The following ZNF536 variants were observed in gnomAD, a reference collection of about 807,000 sequenced individuals.
ZNF536 encodes the protein zinc finger protein 536.
A neutral mutation model predicts 84.5 loss-of-function variants in ZNF536; 13 were observed. The ratio of observed to expected loss-of-function variants is 0.15; its 90% CI spans 0.10 to 0.24. ZNF536 has a LOEUF of 0.24. Among genes scored for constraint, ZNF536 ranks in the 10% least tolerant of loss-of-function variants. The pLI, the probability that ZNF536 is intolerant of heterozygous loss-of-function variation, is 1.00. For missense variants in ZNF536, 1,536 were observed against 1,747.5 expected (o/e 0.88, Z 2.16); for synonymous variants, 811 against 742.5 (o/e 1.09, Z -1.50).
At chr19:30,609,562 A>C (rs2048015171) in intron 1 of ZNF536, among the ~76,000 whole-genome samples, 2 of 152,190 alleles carry the variant, frequency 1.3e-5, no homozygotes, top group African/African-American at 4.8e-5. Context: ...GGTAAAGAAA[A>C]GTGTTTTCTT....
chr19:30,542,789 C>T (rs962060858), intron 3 of ZNF536, among the ~76,000 whole-genome samples: 3 of 152,126 alleles, frequency 2.0e-5, no homozygotes, highest in African/African-American at 7.2e-5. Context: ...TAAGATACTG[C>T]ACACAGAAAC....
intron 1 of ZNF536, among the ~76,000 whole-genome samples, chr19:30,246,171 A>G (rs2144970953): frequency 6.6e-6 from 1 of 152,236 alleles, no homozygotes; most frequent in South Asian, 2.1e-4. Flanking sequence ...AGAAGGGGGA[A>G]AGGACTTTAA....
intron 1 of ZNF536, among the ~76,000 whole-genome samples, chr19:30,591,559 C>T (rs1428459679): frequency 1.3e-5 from 2 of 152,144 alleles, no homozygotes; most frequent in African/African-American, 2.4e-5. Flanking sequence ...ATTATCTCCA[C>T]CTGGCCCTGC....
At chr19:30,694,807 G>T (rs1182486064) in intron 1 of ZNF536, among the ~76,000 whole-genome samples, 1 of 152,182 alleles carries the variant, frequency 6.6e-6, no homozygotes, top group Non-Finnish European at 1.5e-5. Flanking sequence ...CCCCCATGGG[G>T]GAGGCCTGTG....
intron 1 of ZNF536, among the ~76,000 whole-genome samples, chr19:30,247,292 G>T (rs2024333691): frequency 1.3e-5 from 2 of 152,200 alleles, no homozygotes; most frequent in South Asian, 4.1e-4. Flanking sequence ...GATTCACTTG[G>T]GTACTTTATT....
chr19:30,389,031 C>T (rs1057495628), intron 1 of ZNF536, among the ~76,000 whole-genome samples: 4 of 152,230 alleles, frequency 2.6e-5, no homozygotes, highest in Admixed American at 2.6e-4. Context: ...GTCCCATGCC[C>T]CATCTCTCTT....
intron 2 of ZNF536, among the ~76,000 whole-genome samples, chr19:30,308,088 G>A (rs2046394007): frequency 1.3e-5 from 2 of 152,186 alleles, no homozygotes; most frequent in East Asian, 3.9e-4. Flanking sequence ...CTGATGGCTG[G>A]TGACATCTTG....
At chr19:30,538,973 C>T (rs1329981424) in intron 3 of ZNF536, among the ~76,000 whole-genome samples, 7 of 151,582 alleles carry the variant, frequency 4.6e-5, no homozygotes, top group Non-Finnish European at 7.4e-5. Flanking sequence ...TTTGGGAGGC[C>T]GAGGCGGGAG....
chr19:30,640,565 G>A (rs148643007), intron 1 of ZNF536, among the ~76,000 whole-genome samples: 111 of 152,192 alleles, frequency 7.3e-4, no homozygotes, highest in African/African-American at 2.6e-3. Flanking sequence ...ATTGTGCCTC[G>A]CAAGAGTCAG....
At chr19:30,351,318 T>C (rs2047923616) in intron 2 of ZNF536, among the ~76,000 whole-genome samples, 1 of 152,172 alleles carries the variant, frequency 6.6e-6, no homozygotes, top group Non-Finnish European at 1.5e-5. Context: ...CCTGTCAGCT[T>C]TGCTTCCAGT....
intron 1 of ZNF536, among the ~76,000 whole-genome samples, chr19:30,401,976 T>C (rs1392871385): frequency 6.6e-6 from 1 of 152,240 alleles, no homozygotes; most frequent in Non-Finnish European, 1.5e-5. Context: ...TAAATGTTAA[T>C]TGGTCCAACG....
chr19:30,506,158 C>T lies in ZNF536; in HGVS notation c.2171-28689C>T, dbSNP rs551812021. On this transcript the variant is annotated intron_variant, in intron 2 of 4. Transcript: ENST00000355537. ...TATGGAATTATGGAATATAAATATT[C>T]CTATTTATATTTCATGATGTATTTT... Among the ~76,000 whole-genome samples the T allele has an allele frequency of 5.9e-5, 9 of 151,770 alleles. No homozygotes were observed. The East Asian group carries it at 1.7e-3, about 29-fold the overall frequency.
intron 1 of ZNF536, among the ~76,000 whole-genome samples, chr19:30,379,912 G>A (rs574201355): frequency 1.3e-5 from 2 of 152,300 alleles, no homozygotes; most frequent in African/African-American, 4.8e-5. Flanking sequence ...CTTCACTGGG[G>A]AAGTCCTGGC....
At chr19:30,384,106 T>TTC (rs1320042580) in intron 1 of ZNF536, among the ~76,000 whole-genome samples, 89 of 37,908 alleles carry the variant, frequency 2.3e-3, no homozygotes, top group Non-Finnish European at 4.3e-3. Context: ...TTCTCTTTCT[T>TTC]TCTTTCTTTC....
At chr19:30,372,138 G>A (rs536816170), upstream of ZNF536, among the ~76,000 whole-genome samples, 1 of 152,216 alleles carries the variant, frequency 6.6e-6, no homozygotes, top group African/African-American at 2.4e-5. Context: ...CAAAACTGAG[G>A]CTGAGGCATG....
At chr19:30,697,002 A>G (rs879789290) in intron 1 of ZNF536, among the ~76,000 whole-genome samples, 1 of 152,176 alleles carries the variant, frequency 6.6e-6, no homozygotes, top group Admixed American at 6.5e-5. Flanking sequence ...AGATATGATC[A>G]GAGACAGGGT....
chr19:30,565,185 A>G (rs1393460569), intron 1 of ZNF536, among the ~76,000 whole-genome samples: 1 of 143,162 alleles, frequency 7.0e-6, no homozygotes, highest in African/African-American at 2.5e-5. Flanking sequence ...TTTTTTTTTA[A>G]CTTATCAGAG....
downstream of ZNF536, among the ~76,000 whole-genome samples, chr19:30,559,989 C>T (rs752410395): frequency 6.6e-6 from 1 of 152,094 alleles, no homozygotes; most frequent in Non-Finnish European, 1.5e-5. Context: ...CTCCGTCCTG[C>T]TCCCCATCTT....
At chr19:30,390,664 C>G (rs1730912745) in intron 1 of ZNF536, among the ~76,000 whole-genome samples, 1 of 152,184 alleles carries the variant, frequency 6.6e-6, no homozygotes, top group Non-Finnish European at 1.5e-5. Context: ...CCTGGAGTGT[C>G]CTCTGTAGCC....
Sources: gnomAD v4.1 joint callset for allele counts (sites outside exome capture counted in the v4.1 genomes callset) on GRCh38, gnomAD v4.1.1 for gene constraint, MANE v1.5 for transcripts, NCBI Gene and HGNC (gene_info 2026-07-23, HGNC 2026-07-21) for gene names.